The following TCF12 variants were observed in gnomAD, a reference collection of about 807,000 sequenced individuals.
The protein encoded by TCF12 is transcription factor 12.
TCF12 carries 45 observed loss-of-function variants against 86.0 expected under a neutral mutation model. That is an observed-to-expected ratio of 0.52 (90% CI 0.41 to 0.67). The LOEUF (loss-of-function observed/expected upper bound fraction) is 0.67, where lower values mean the gene tolerates loss of function less well. Among genes scored for constraint, TCF12 ranks in the 30% least tolerant of loss-of-function variants. The pLI is 0.00. For missense variants in TCF12, 881 were observed against 859.9 expected (o/e 1.02, Z -0.31); for synonymous variants, 330 against 299.6 (o/e 1.10, Z -1.05).
At chr15:57,160,374 T>C (rs2054414295) in intron 5 of TCF12, among the ~76,000 whole-genome samples, 1 of 152,086 alleles carries the variant, frequency 6.6e-6, no homozygotes, top group Admixed American at 6.5e-5. Flanking sequence ...GAACTCACCA[T>C]CATAAGGACA....
intron 3 of TCF12, among the ~76,000 whole-genome samples, chr15:56,979,993 T>C (rs1363712076): frequency 1.3e-5 from 2 of 152,204 alleles, no homozygotes; most frequent in East Asian, 1.9e-4. Context: ...GAATGTAGAA[T>C]AGATGAAGCT....
At chr15:57,254,823 A>ACTC (rs55950903) in intron 16 of TCF12, among the ~76,000 whole-genome samples, 56,778 of 145,366 alleles carry the variant, frequency 0.39, 13,832 homozygotes, top group Non-Finnish European at 0.54. Flanking sequence ...ATGCTACTGC[A>ACTC]CTCCAGCCTA....
chr15:57,166,364 G>T (rs561712301), intron 5 of TCF12, 38 bp from the exon 6 acceptor site: 6 of 1,548,706 alleles, frequency 3.9e-6, no homozygotes, highest in South Asian at 2.4e-5. Context: ...GTCAATAAAT[G>T]AAGGGTTTTA....
intron 7 of TCF12, among the ~76,000 whole-genome samples, chr15:57,195,529 G>A (rs1315945206): frequency 1.3e-5 from 2 of 152,182 alleles, no homozygotes; most frequent in Non-Finnish European, 2.9e-5. Flanking sequence ...GCCAGATGTT[G>A]TTCATCTTTG....
intron 3 of TCF12, among the ~76,000 whole-genome samples, chr15:57,017,025 A>G (rs1014362917): frequency 6.6e-6 from 1 of 152,064 alleles, no homozygotes; most frequent in African/African-American, 2.4e-5. Context: ...AAATATGCTG[A>G]TATATTCTTG....
intron 3 of TCF12, among the ~76,000 whole-genome samples, chr15:56,954,324 A>G (rs1441844111): frequency 6.6e-6 from 1 of 152,190 alleles, no homozygotes; most frequent in Admixed American, 6.5e-5. Flanking sequence ...TGGGGAAAGG[A>G]TTCCCTGTTT....
At chr15:56,919,693 ACGCGTGG>A in intron 1 of TCF12, 192 bp from the exon 2 acceptor site, 1 of 393,220 alleles carries the variant, frequency 2.5e-6, no homozygotes, top group Non-Finnish European at 4.6e-6. Flanking sequence ...GCGGCGAGGA[ACGCGTGG>A]ATTCCGGGAC....
At chr15:56,987,734 G>A (rs1401251384) in intron 3 of TCF12, among the ~76,000 whole-genome samples, 1 of 152,176 alleles carries the variant, frequency 6.6e-6, no homozygotes, top group African/African-American at 2.4e-5. Flanking sequence ...ACTGGCACTT[G>A]GAAAGAAAAG....
In TCF12 at chr15:57,053,153, T is replaced by C. The variant is rs139412999; in HGVS notation, c.149-10597T>C. Among the ~76,000 whole-genome samples the C allele has an allele frequency of 5.8e-3, 886 of 152,330 alleles. 4 individuals are homozygous for C. The highest frequency in any genetic ancestry group is 9.7e-3 in the Non-Finnish European group (661 of 68,030). On this transcript the variant is annotated intron_variant, in intron 3 of 20. Coordinates refer to ENST00000333725, the MANE Select transcript of TCF12 (RefSeq NM_207037.2). The stretch of plus-strand genomic sequence containing the variant: ...TCTTGTGTATGTGTGTTTTTAATAA[T>C]TGCCATTCTAACAGGTATGAGATTA...
At chr15:57,211,051 A>G (rs899529282) in intron 8 of TCF12, among the ~76,000 whole-genome samples, 1 of 152,242 alleles carries the variant, frequency 6.6e-6, no homozygotes, top group Non-Finnish European at 1.5e-5. Context: ...AGGAGATTGT[A>G]TATTATTTGA....
At chr15:57,133,783 C>A (rs1219350710) in intron 5 of TCF12, among the ~76,000 whole-genome samples, 1 of 152,144 alleles carries the variant, frequency 6.6e-6, no homozygotes, top group Non-Finnish European at 1.5e-5. Flanking sequence ...AGTCATTCTC[C>A]ATCAGGTTCC....
At chr15:57,271,579 C>A (rs570015031) in intron 18 of TCF12, among the ~76,000 whole-genome samples, 1 of 152,266 alleles carries the variant, frequency 6.6e-6, no homozygotes, top group East Asian at 1.9e-4. Context: ...ATTCAGCTCA[C>A]CCTCCGTGGG....
intron 12 of TCF12, among the ~76,000 whole-genome samples, chr15:57,239,705 T>C (rs1275397916): frequency 2.0e-5 from 3 of 151,930 alleles, no homozygotes; most frequent in African/African-American, 7.3e-5. Context: ...GAATTGTGGA[T>C]ATCGGTGTCT....
At chr15:57,239,211 C>T (rs572053363) in intron 12 of TCF12, among the ~76,000 whole-genome samples, 183 of 152,074 alleles carry the variant, frequency 1.2e-3, no homozygotes, top group African/African-American at 4.3e-3. Flanking sequence ...ATTAGCCTGG[C>T]ATGGTGGTGC....
intron 3 of TCF12, among the ~76,000 whole-genome samples, chr15:57,035,362 C>G (rs1268033579): frequency 6.6e-6 from 1 of 152,164 alleles, no homozygotes; most frequent in Non-Finnish European, 1.5e-5. Flanking sequence ...CTCCTGGGCT[C>G]AAGCAATTCT....
At chr15:57,170,741 T>TAA in intron 6 of TCF12, among the ~76,000 whole-genome samples, 1 of 38,780 alleles carries the variant, frequency 2.6e-5, no homozygotes, top group Non-Finnish European at 4.7e-5. Flanking sequence ...ATATATAATA[T>TAA]ATATTATATA....
chr15:57,108,310 A>G (rs908922696), intron 5 of TCF12, among the ~76,000 whole-genome samples: 18 of 152,146 alleles, frequency 1.2e-4, no homozygotes, highest in African/African-American at 3.1e-4. Context: ...GCTGATCCCT[A>G]TCACCTTTCT....
chr15:57,243,320 A>G (rs1329908482), intron 12 of TCF12, 152 bp from the exon 13 acceptor site: 8 of 567,934 alleles, frequency 1.4e-5, no homozygotes, highest in Non-Finnish European at 2.2e-5. Flanking sequence ...AGGCTTCTGT[A>G]TGATGAAACA....
chr15:56,929,099 C>T (rs2060136937), intron 3 of TCF12, among the ~76,000 whole-genome samples: 1 of 152,156 alleles, frequency 6.6e-6, no homozygotes, highest in Non-Finnish European at 1.5e-5. Context: ...TTGAGTAAAA[C>T]TGAAGTTCTA....
Sources: allele counts gnomAD v4.1 joint callset (sites outside exome capture counted in the v4.1 genomes callset), GRCh38; gene constraint gnomAD v4.1.1; transcripts MANE v1.5; gene names NCBI Gene and HGNC (gene_info 2026-07-23, HGNC 2026-07-21).